Variants in CACNA1E observed in about 807,000 individuals in gnomAD.
CACNA1E encodes voltage-dependent R-type calcium channel subunit alpha-1E.
Under a neutral mutation model 259.2 loss-of-function variants are expected in CACNA1E, and 40 were observed. The ratio of observed to expected loss-of-function variants is 0.15; its 90% CI spans 0.12 to 0.20. CACNA1E has a LOEUF of 0.20. Ranked by LOEUF, CACNA1E falls within the 10% of genes least tolerant of loss-of-function variation. CACNA1E has a pLI of 1.00. For synonymous variants in CACNA1E, 1,104 were observed against 1,138.5 expected (o/e 0.97, Z 0.61); for missense variants, 1,874 against 3,040.1 (o/e 0.62, Z 9.02).
At chr1:181,692,138 A>G (rs1451362113) in intron 7 of CACNA1E, among the ~76,000 whole-genome samples, 1 of 152,224 alleles carries the variant, frequency 6.6e-6, no homozygotes, top group African/African-American at 2.4e-5. Context: ...AAGAAAAACT[A>G]TAAAACACTG....
At chr1:181,425,805 G>A (rs930636658) in intron 2 of CACNA1E, among the ~76,000 whole-genome samples, 9 of 151,962 alleles carry the variant, frequency 5.9e-5, no homozygotes, top group African/African-American at 1.9e-4. Context: ...AGCAGGGAGG[G>A]AATGAAGGCA....
chr1:181,642,588 C>A (rs968627360), intron 6 of CACNA1E, among the ~76,000 whole-genome samples: 12 of 152,182 alleles, frequency 7.9e-5, no homozygotes, highest in Non-Finnish European at 1.5e-4. Context: ...CTGGTGCTTG[C>A]CACTCTTTAA....
At chr1:181,692,485 C>T (rs1178915491) in intron 7 of CACNA1E, among the ~76,000 whole-genome samples, 1 of 152,068 alleles carries the variant, frequency 6.6e-6, no homozygotes, top group Non-Finnish European at 1.5e-5. Context: ...ATAGGGAACC[C>T]AGGCATAAGG....
At chr1:181,571,113 A>G (rs998063939) in intron 3 of CACNA1E, among the ~76,000 whole-genome samples, 5 of 150,750 alleles carry the variant, frequency 3.3e-5, no homozygotes, top group African/African-American at 1.2e-4. Flanking sequence ...GAACTTTACA[A>G]GCATTATTTT....
intron 25 of CACNA1E, among the ~76,000 whole-genome samples, chr1:181,740,838 G>A (rs1656502053): frequency 6.6e-6 from 1 of 152,136 alleles, no homozygotes; most frequent in African/African-American, 2.4e-5. Flanking sequence ...TTTTACAGAA[G>A]CATGGGGTAT....
At chr1:181,757,496 T>C (rs1227818258) in intron 30 of CACNA1E, among the ~76,000 whole-genome samples, 1 of 152,226 alleles carries the variant, frequency 6.6e-6, no homozygotes, top group Admixed American at 6.5e-5. Context: ...CAAGCATAGT[T>C]CTGGCACATT....
chr1:181,340,490 AT>A (rs1652069867), intron 1 of CACNA1E, among the ~76,000 whole-genome samples: 4 of 151,932 alleles, frequency 2.6e-5, no homozygotes, highest in South Asian at 4.1e-4. Flanking sequence ...TTTATTGGTA[AT>A]TTTTTTGAGA....
At chr1:181,740,132 C>T (rs1468639085) in intron 25 of CACNA1E, among the ~76,000 whole-genome samples, 2 of 152,194 alleles carry the variant, frequency 1.3e-5, no homozygotes, top group Non-Finnish European at 2.9e-5. Flanking sequence ...GGAGGCACAA[C>T]AGAATTCTCA....
At chr1:181,739,329 C>A in intron 25 of CACNA1E, 76 bp downstream of exon 25, 1 of 1,007,394 alleles carries the variant, frequency 9.9e-7, no homozygotes, top group Non-Finnish European at 1.6e-6. Flanking sequence ...AAGCCCTTTC[C>A]AGAAATGCAA....
At chr1:181,402,930 C>G (rs1458248763) in intron 1 of CACNA1E, among the ~76,000 whole-genome samples, 1 of 152,090 alleles carries the variant, frequency 6.6e-6, no homozygotes, top group African/African-American at 2.4e-5. Context: ...CTTTCTGTGC[C>G]CTGTTTTCTT....
In CACNA1E at chr1:181,733,462, G is replaced by A. The variant is rs367915995; in HGVS notation, c.2974G>A (p.Gly992Ser). 9 of 1,548,990 alleles carry A rather than the reference G, an allele frequency of 5.8e-6. No homozygotes were observed. The highest frequency in any genetic ancestry group is 7.9e-6 in the Non-Finnish European group (9 of 1,146,330). The change falls in exon 21 of 48, where the codon GGC becomes AGC. Residue 992 changes from glycine (G) to serine (S), a missense_variant. Gly to Ser is a moderately conservative substitution (Grantham distance 56, BLOSUM62 0). This residue lies in a region of CACNA1E where 476 missense variants were observed against 514.0 expected (regional missense o/e 0.93). Transcript: ENST00000367573. ...GACCAACAGTCTGATGGTGTCCAGA[G>A]GCTCCGGGCTGGCAGGAGGCCTTGA... ...RRTNSLMVSR[G>S]SGLAGGLDEA... is the part of the protein sequence containing the mutation.
chr1:181,702,510 G>C (rs6424819), intron 7 of CACNA1E, among the ~76,000 whole-genome samples: 122,449 of 152,036 alleles, frequency 0.81, 49,558 homozygotes, highest in Non-Finnish European at 0.85. Flanking sequence ...GTTTCCCAAT[G>C]ACACCAAGTA....
chr1:181,447,198 AT>A (rs34757794), intron 2 of CACNA1E, among the ~76,000 whole-genome samples: 14,213 of 152,116 alleles, frequency 0.093, 820 homozygotes, highest in South Asian at 0.18. Flanking sequence ...CTATTTTGGG[AT>A]TTTCCCCCCC....
Position 181,706,752 on chromosome 1 carries a change from C to T in CACNA1E, c.1056-4202C>T, listed in dbSNP as rs558490609. Among the ~76,000 whole-genome samples the T allele has an allele frequency of 5.9e-5, 9 of 152,322 alleles. No homozygotes were observed. In the South Asian group the frequency reaches 1.2e-3, roughly 21 times the overall value. On this transcript the variant is annotated intron_variant, in intron 7 of 47. Transcript: ENST00000367573. The stretch of plus-strand genomic sequence containing the variant: ...GAAGACAGCTAAGGCATTGTGGAAA[C>T]AGCACATAACCTGGAAGAAGACATT...
chr1:181,596,490 G>A (rs1374637549), intron 6 of CACNA1E, among the ~76,000 whole-genome samples: 2 of 150,902 alleles, frequency 1.3e-5, no homozygotes, highest in South Asian at 2.1e-4. Context: ...GCATTTTATC[G>A]TCACCCTGTC....
chr1:181,433,678 G>A (rs6697183), intron 2 of CACNA1E, among the ~76,000 whole-genome samples: 4,596 of 152,220 alleles, frequency 0.03, 251 homozygotes, highest in African/African-American at 0.1. Context: ...ACATGTAAAT[G>A]TGTTTTAAAT....
chr1:181,536,030 T>C (rs1383614053), intron 3 of CACNA1E, among the ~76,000 whole-genome samples: 3 of 152,204 alleles, frequency 2.0e-5, no homozygotes, highest in Admixed American at 6.5e-5. Flanking sequence ...TCCTCTTTCA[T>C]TGGAAGCATT....
chr1:181,349,159 G>A (rs2804702), intron 1 of CACNA1E, among the ~76,000 whole-genome samples: 40,002 of 152,138 alleles, frequency 0.26, 8,982 homozygotes, highest in African/African-American at 0.61. Context: ...GAAGGTGCAG[G>A]GAAGCATCAC....
chr1:181,791,968 T>C (rs374351626), intron 44 of CACNA1E, among the ~76,000 whole-genome samples: 4 of 152,096 alleles, frequency 2.6e-5, no homozygotes, highest in African/African-American at 9.7e-5. Flanking sequence ...TCGTGCATGG[T>C]TGTGTGGGGG....
Sources: allele counts gnomAD v4.1 joint callset (sites outside exome capture counted in the v4.1 genomes callset), GRCh38; gene constraint gnomAD v4.1.1; regional missense constraint gnomAD v4.1.1; transcripts MANE v1.5; gene names NCBI Gene and HGNC (gene_info 2026-07-23, HGNC 2026-07-21).